The following ELK4 variants were observed in gnomAD, a reference collection of about 807,000 sequenced individuals.
ELK4 encodes the protein ETS transcription factor ELK4.
A neutral mutation model predicts 29.6 loss-of-function variants in ELK4; 16 were observed. That is an observed-to-expected ratio of 0.54 (90% CI 0.37 to 0.82). The LOEUF (loss-of-function observed/expected upper bound fraction) is 0.82. ELK4 is among the 40% of genes least tolerant of loss of function. The pLI, the probability that ELK4 is intolerant of heterozygous loss-of-function variation, is 0.00. For synonymous variants in ELK4, 213 were observed against 191.1 expected (o/e 1.11, Z -0.95); for missense variants, 465 against 507.1 (o/e 0.92, Z 0.80).
chr1:205,618,921 G>A (rs1265621247), intron 4 of ELK4, 36 bp downstream of exon 4: 21 of 1,508,332 alleles, frequency 1.4e-5, no homozygotes, highest in Non-Finnish European at 1.6e-5. Context: ...CATTTAACAT[G>A]CTCCAACTAC....
Position 205,616,236 on chromosome 1 carries a change from C to G in ELK4, c.*310G>C, listed in dbSNP as rs147055871. On this transcript the variant is annotated 3_prime_UTR_variant, in exon 5 of 5. Transcript: ENST00000357992. Reference sequence around the variant, plus strand: ...GCAAAGCACAGTCACTAAAGCCCACCAAAAACTTCTTCAGCACAAAGCTCA... The same window carrying G: ...GCAAAGCACAGTCACTAAAGCCCACGAAAAACTTCTTCAGCACAAAGCTCA... 502 of 291,058 alleles carry G rather than the reference C, an allele frequency of 1.7e-3. 1 individual carries two copies. Among genetic ancestry groups the G allele is most frequent in the African/African-American group, 9.8e-3 (470 of 47,884 alleles). 18.0% of individuals were successfully genotyped at this position (291,058 alleles called of 1,614,324 possible).
chr1:205,622,162 T>C (rs1016101644), intron 2 of ELK4, among the ~76,000 whole-genome samples: 1 of 151,988 alleles, frequency 6.6e-6, no homozygotes, highest in Non-Finnish European at 1.5e-5. Flanking sequence ...TGCAGTGAGC[T>C]GAGATCACGC....
rs538635449 is a variant in ELK4, at chr1:205,616,046, T to A, written c.*500A>T. On this transcript the variant is annotated 3_prime_UTR_variant, in exon 5 of 5. Coordinates refer to ENST00000357992, the MANE Select transcript of ELK4 (RefSeq NM_001973.4). ...ATAGGAATGATTCTTCTTCTTCCACTGCTTAGGAACAGCTCACTTTAAGTC... is the reference window on the plus strand; with the variant it reads ...ATAGGAATGATTCTTCTTCTTCCACAGCTTAGGAACAGCTCACTTTAAGTC... 1.5e-4 allele frequency: 33 copies of A among 225,538 alleles called. No homozygotes were observed. Among genetic ancestry groups the A allele is most frequent in the Non-Finnish European group, 2.6e-4 (29 of 112,984 alleles). 14.0% of individuals were successfully genotyped at this position (225,538 alleles called of 1,614,324 possible).
chr1:205,611,642 T>G lies in ELK4; in HGVS notation c.*4904A>C, dbSNP rs960131927. 1.0e-5 allele frequency: 2 copies of G among 196,078 alleles called. No individual in the cohort carries two copies. The highest frequency in any genetic ancestry group is 2.3e-5 in the African/African-American group (1 of 43,404). The allele number at this position is 196,078 out of a possible 1,614,324, so 12.1% of individuals were successfully genotyped here. ...GACTGAACAATTAACTTCTCAATAC[T>G]ATTTTAGAAATAATATATTCTATCA... On this transcript the variant is annotated 3_prime_UTR_variant, in exon 5 of 5. Transcript: ENST00000357992.
Position 205,619,269 on chromosome 1 carries a change from T to C in ELK4, c.1081-196A>G, listed in dbSNP as rs567503657. ...AGGGATAAAGGTGATAATAACTACT[T>C]AAAATTTTTTAAATTTTTATTTCAA... On this transcript the variant is annotated intron_variant, in intron 3 of 4. Transcript: ENST00000357992. 26 of 1,049,512 alleles carry C rather than the reference T, an allele frequency of 2.5e-5. No individual in the cohort carries two copies. The African/African-American group carries it at 4.1e-4, about 17-fold the overall frequency. 65.0% of individuals were successfully genotyped at this position (1,049,512 alleles called of 1,614,324 possible).
chr1:205,612,559 A>C lies in ELK4; in HGVS notation c.*3987T>G. 4.7e-6 allele frequency: 1 copy of C among 213,306 alleles called. No homozygotes were observed. Among genetic ancestry groups the C allele is most frequent in the Non-Finnish European group, 9.5e-6 (1 of 105,532 alleles). The allele number at this position is 213,306 out of a possible 1,614,324, so 13.2% of individuals were successfully genotyped here. The stretch of plus-strand genomic sequence containing the variant: ...TACTGATCAATTTGTGTGTTCAAAA[A>C]GGCTGGACACTCCTTTTCTGAACCA... On this transcript the variant is annotated 3_prime_UTR_variant, in exon 5 of 5. Transcript: ENST00000357992.
At chr1:205,624,403 C>T (rs915651292) in intron 1 of ELK4, among the ~76,000 whole-genome samples, 117 of 152,154 alleles carry the variant, frequency 7.7e-4, no homozygotes, top group Non-Finnish European at 1.3e-3. Context: ...CTCAGGGTGG[C>T]CCAGGGACTG....
chr1:205,630,278 C>A (rs1057331555), intron 1 of ELK4, among the ~76,000 whole-genome samples: 2 of 152,152 alleles, frequency 1.3e-5, no homozygotes, highest in Non-Finnish European at 2.9e-5. Context: ...TATTTTAACA[C>A]TTCAAAGATA....
Position 205,610,129 on chromosome 1 carries a change from T to C in ELK4, c.*6417A>G, listed in dbSNP as rs1648485691. On this transcript the variant is annotated 3_prime_UTR_variant, in exon 5 of 5. Coordinates refer to ENST00000357992, the MANE Select transcript of ELK4 (RefSeq NM_001973.4). ...CTTTAGGCATTCTTGAATGATTCCA[T>C]TGGCTAGAACTCTGGGCCAGCCACA... 1 of 232,126 alleles carries C rather than the reference T, an allele frequency of 4.3e-6. No individual in the cohort carries two copies. Among genetic ancestry groups the C allele is most frequent in the Non-Finnish European group, 8.5e-6 (1 of 117,348 alleles). The allele number at this position is 232,126 out of a possible 1,614,324, so 14.4% of individuals were successfully genotyped here.
chr1:205,627,377 T>C (rs1420479725), intron 1 of ELK4, among the ~76,000 whole-genome samples: 2 of 151,754 alleles, frequency 1.3e-5, no homozygotes, highest in Non-Finnish European at 2.9e-5. Flanking sequence ...GGCGTGGTGG[T>C]GGGCGCCTGT....
At chr1:205,629,373 T>C (rs1670532159) in intron 1 of ELK4, among the ~76,000 whole-genome samples, 1 of 152,178 alleles carries the variant, frequency 6.6e-6, no homozygotes, top group East Asian at 1.9e-4. Context: ...GTCAAAACTC[T>C]TCATTTTAGT....
chr1:205,627,821 C>T (rs868747768), intron 1 of ELK4, among the ~76,000 whole-genome samples: 2 of 152,136 alleles, frequency 1.3e-5, no homozygotes. Flanking sequence ...TCAAAATGTC[C>T]TCCAGTAATC....
intron 3 of ELK4, 158 bp downstream of exon 3, chr1:205,619,808 G>T (rs767765456): frequency 1.3e-6 from 2 of 1,546,662 alleles, no homozygotes; most frequent in Non-Finnish European, 1.7e-6. Flanking sequence ...TCCTAATTAA[G>T]ATGAGAAATG....
rs1051478301 is a variant in ELK4 at position 205,615,823 on chromosome 1, C to A, written c.*723G>T. 4.2e-5 allele frequency: 9 copies of A among 211,794 alleles called. No homozygotes were observed. The highest frequency in any genetic ancestry group is 6.7e-5 in the Non-Finnish European group (7 of 104,622). 13.1% of individuals were successfully genotyped at this position (211,794 alleles called of 1,614,324 possible). A position where few individuals can be genotyped will look rare whatever the true frequency, so the allele number is the denominator to read the frequency against. On this transcript the variant is annotated 3_prime_UTR_variant, in exon 5 of 5. Transcript: ENST00000357992. ...GGTGTTCCAAAAACTGTCTTAAACCCCAGGTCTAAAAATCTTTCTATAGTG... is the reference window on the plus strand; with the variant it reads ...GGTGTTCCAAAAACTGTCTTAAACCACAGGTCTAAAAATCTTTCTATAGTG...
At position 205,612,835 on chromosome 1, in the gene ELK4, A is replaced by G; in HGVS notation, c.*3711T>C. The stretch of plus-strand genomic sequence containing the variant: ...TACTTAAGTCAGTCTTGACTTTTAA[A>G]ATCTGTAATATAGTATGTAAATCTT... On this transcript the variant is annotated 3_prime_UTR_variant, in exon 5 of 5. Transcript: ENST00000357992. 1.5e-5 allele frequency: 3 copies of G among 205,274 alleles called. No homozygotes were observed. Among genetic ancestry groups the G allele is most frequent in the Non-Finnish European group, 3.0e-5 (3 of 100,394 alleles). 12.7% of individuals were successfully genotyped at this position (205,274 alleles called of 1,614,324 possible). A position where few individuals can be genotyped will look rare whatever the true frequency, so the allele number is the denominator to read the frequency against.
rs927287092 is a variant in ELK4 at position 205,615,040 on chromosome 1, C to T, written c.*1506G>A. ...AGAATAAGGCCTACATTTTTTACTACTAATATGAACAATCCAATCCCTATG... is the reference window on the plus strand; with the variant it reads ...AGAATAAGGCCTACATTTTTTACTATTAATATGAACAATCCAATCCCTATG... On this transcript the variant is annotated 3_prime_UTR_variant, in exon 5 of 5. Transcript: ENST00000357992. 1.0e-5 allele frequency: 2 copies of T among 196,300 alleles called. No individual in the cohort carries two copies. Among genetic ancestry groups the T allele is most frequent in the African/African-American group, 4.6e-5 (2 of 43,144 alleles). 12.2% of individuals were successfully genotyped at this position (196,300 alleles called of 1,614,324 possible).
chr1:205,626,590 A>G (rs1670468806), intron 1 of ELK4, among the ~76,000 whole-genome samples: 1 of 152,222 alleles, frequency 6.6e-6, no homozygotes, highest in African/African-American at 2.4e-5. Flanking sequence ...AATGCTCTAC[A>G]TAATTAGTTA....
Position 205,616,688 on chromosome 1 carries a change from C to T in ELK4, c.1198-44G>A, listed in dbSNP as rs748783522. 6 of 1,550,304 alleles carry T rather than the reference C, an allele frequency of 3.9e-6. No individual in the cohort carries two copies. The South Asian group carries it at 6.8e-5, about 18-fold the overall frequency. Reference sequence around the variant, plus strand: ...CACATTATCATCCTATTACTCAACCCCAACTTTTACTTTCTATCCTACTCT... The same window carrying T: ...CACATTATCATCCTATTACTCAACCTCAACTTTTACTTTCTATCCTACTCT... On this transcript the variant is annotated intron_variant, in intron 4 of 4. Transcript: ENST00000357992.
Position 205,609,226 on chromosome 1 carries a change from ACATACCCT to A in ELK4, c.*7312_*7319del. On this transcript the variant is annotated 3_prime_UTR_variant, in exon 5 of 5. Transcript: ENST00000357992. ...GGTTTGTTCTTCAAAATGCAAAGTT[ACATACCCT>A]TATTTTTTAGCCAATTTGATTATTT... The A allele has an allele frequency of 5.3e-6, 1 of 188,622 alleles. No individual in the cohort carries two copies. The highest frequency in any genetic ancestry group is 1.1e-5 in the Non-Finnish European group (1 of 89,526). The allele number at this position is 188,622 out of a possible 1,614,324, so 11.7% of individuals were successfully genotyped here.
Sources: allele counts gnomAD v4.1 joint callset (sites outside exome capture counted in the v4.1 genomes callset), GRCh38; gene constraint gnomAD v4.1.1; transcripts MANE v1.5; gene names NCBI Gene and HGNC (gene_info 2026-07-23, HGNC 2026-07-21).